ERC1: variants seen among roughly 807,000 people sequenced by gnomAD.
ERC1 encodes the protein ELKS/RAB6-interacting/CAST family member 1, also known as RAB6 interacting protein 2.
ERC1 carries 56 observed loss-of-function variants against 132.0 expected under a neutral mutation model. The observed-to-expected ratio is 0.42, with a 90% CI of 0.34 to 0.53. ERC1 has a LOEUF of 0.53. Ranked by LOEUF, ERC1 falls within the 20% of genes least tolerant of loss-of-function variation. The pLI, the probability that ERC1 is intolerant of heterozygous loss-of-function variation, is 0.03. For missense variants in ERC1, 1,202 were observed against 1,349.9 expected (o/e 0.89, Z 1.72); for synonymous variants, 478 against 476.1 (o/e 1.00, Z -0.05).
intron 7 of ERC1, among the ~76,000 whole-genome samples, chr12:1,130,632 CTTTTT>C (rs201618993): frequency 4.5e-4 from 66 of 147,178 alleles, no homozygotes; most frequent in African/African-American, 1.6e-3. Context: ...AACGTATAGT[CTTTTT>C]TTTTTTTTAA....
intron 16 of ERC1, among the ~76,000 whole-genome samples, chr12:1,405,635 A>C (rs561088968): frequency 6.6e-6 from 1 of 152,144 alleles, no homozygotes. Flanking sequence ...CCCAGGAGGC[A>C]GAGGTTGCAG....
intron 4 of ERC1, among the ~76,000 whole-genome samples, chr12:1,107,029 T>G (rs1945336720): frequency 6.6e-6 from 1 of 152,180 alleles, no homozygotes; most frequent in Admixed American, 6.5e-5. Context: ...GAAAGGTGAT[T>G]GAAGTAAAAG....
chr12:1,403,003 CTT>C (rs1322594872), intron 16 of ERC1, among the ~76,000 whole-genome samples: 1 of 152,178 alleles, frequency 6.6e-6, no homozygotes, highest in African/African-American at 2.4e-5. Context: ...TATCCTGTCT[CTT>C]AGCTTATGTA....
At chr12:1,473,998 G>A (rs921129189) in intron 18 of ERC1, among the ~76,000 whole-genome samples, 6 of 152,084 alleles carry the variant, frequency 3.9e-5, no homozygotes, top group African/African-American at 9.7e-5. Context: ...ATGCTCTTAC[G>A]GCAAAATACA....
chr12:1,438,230 A>C (rs1414307283), intron 17 of ERC1, among the ~76,000 whole-genome samples: 2 of 152,240 alleles, frequency 1.3e-5, no homozygotes, highest in East Asian at 1.9e-4. Context: ...TTGACTAAGA[A>C]GATATCTTAG....
intron 14 of ERC1, among the ~76,000 whole-genome samples, chr12:1,271,889 A>T (rs563997343): frequency 3.8e-4 from 58 of 152,316 alleles, no homozygotes; most frequent in African/African-American, 1.3e-3. Context: ...ACTTCTTTGT[A>T]ATCTTACAAA....
At chr12:1,094,507 T>C (rs562558156) in intron 3 of ERC1, among the ~76,000 whole-genome samples, 113 of 149,958 alleles carry the variant, frequency 7.5e-4, no homozygotes, top group African/African-American at 2.7e-3. Flanking sequence ...GCCACCTGGG[T>C]TCAAGTGATT....
intron 1 of ERC1, among the ~76,000 whole-genome samples, chr12:1,012,101 C>A (rs1468926864): frequency 6.6e-6 from 1 of 152,074 alleles, no homozygotes; most frequent in Non-Finnish European, 1.5e-5. Context: ...GCTGGTGTAT[C>A]TTTATAAACT....
chr12:1,410,815 A>T (rs1470662730), intron 17 of ERC1, among the ~76,000 whole-genome samples: 1 of 151,982 alleles, frequency 6.6e-6, no homozygotes, highest in African/African-American at 2.4e-5. Flanking sequence ...GTAATTTTAT[A>T]TGAAATTGGC....
intron 2 of ERC1, among the ~76,000 whole-genome samples, chr12:1,060,339 A>G (rs900003744): frequency 3.1e-5 from 4 of 127,780 alleles, no homozygotes; most frequent in Non-Finnish European, 6.6e-5. Context: ...CCCCCACCCC[A>G]CAACAGTCCC....
intron 18 of ERC1, among the ~76,000 whole-genome samples, chr12:1,481,882 T>C (rs763890211): frequency 6.6e-6 from 1 of 152,188 alleles, no homozygotes; most frequent in Admixed American, 6.5e-5. Context: ...GTGTAGGTAA[T>C]AATCACATTT....
chr12:1,376,942 C>A (rs1426759206), intron 16 of ERC1, among the ~76,000 whole-genome samples: 1 of 152,164 alleles, frequency 6.6e-6, no homozygotes, highest in Admixed American at 6.5e-5. Flanking sequence ...CCCGTCATCC[C>A]AGCACTACTT....
intron 13 of ERC1, among the ~76,000 whole-genome samples, chr12:1,251,367 T>C (rs558102438): frequency 6.6e-6 from 1 of 152,324 alleles, no homozygotes; most frequent in Non-Finnish European, 1.5e-5. Flanking sequence ...TGTTTAATCC[T>C]GTATCATTTC....
chr12:1,097,535 C>G (rs955281464), intron 3 of ERC1, among the ~76,000 whole-genome samples: 1 of 152,018 alleles, frequency 6.6e-6, no homozygotes, highest in Non-Finnish European at 1.5e-5. Context: ...GGTAGTTACT[C>G]AACTCATGGC....
At chr12:1,028,844 A>G (rs1242563961) in intron 2 of ERC1, among the ~76,000 whole-genome samples, 2 of 135,936 alleles carry the variant, frequency 1.5e-5, no homozygotes, top group Non-Finnish European at 3.2e-5. Context: ...CTTTCAGCAT[A>G]TGTTATCTTT....
chr12:1,409,544 AAAG>A (rs1411013110), intron 17 of ERC1, among the ~76,000 whole-genome samples: 2 of 152,230 alleles, frequency 1.3e-5, no homozygotes, highest in African/African-American at 4.8e-5. Context: ...AGTAGGAAGA[AAAG>A]AAGTATAATG....
chr12:1,061,189 C>T (rs932138082), intron 2 of ERC1, among the ~76,000 whole-genome samples: 9 of 152,082 alleles, frequency 5.9e-5, no homozygotes, highest in Admixed American at 1.3e-4. Flanking sequence ...TTCATAATGG[C>T]GTCTAATGAT....
At chr12:1,175,489 A>G (rs1238430897) in intron 8 of ERC1, among the ~76,000 whole-genome samples, 1 of 151,638 alleles carries the variant, frequency 6.6e-6, no homozygotes, top group Non-Finnish European at 1.5e-5. Context: ...AACAACAAAA[A>G]ACACTCTTAT....
At chr12:1,320,749 T>C (rs567635450) in intron 15 of ERC1, among the ~76,000 whole-genome samples, 1 of 152,360 alleles carries the variant, frequency 6.6e-6, no homozygotes, top group South Asian at 2.1e-4. Context: ...TCGCCCAGGC[T>C]GGAGTGCAGT....
Sources: gnomAD v4.1 joint callset for allele counts (sites outside exome capture counted in the v4.1 genomes callset) on GRCh38, gnomAD v4.1.1 for gene constraint, MANE v1.5 for transcripts, NCBI Gene and HGNC (gene_info 2026-07-23, HGNC 2026-07-21) for gene names.